Variants in ERBB4 observed in about 807,000 individuals in gnomAD.
ERBB4 encodes receptor tyrosine-protein kinase erbB-4.
Under a neutral mutation model 158.0 loss-of-function variants are expected in ERBB4, and 42 were observed. That is an observed-to-expected ratio of 0.27 (90% CI 0.21 to 0.34). ERBB4 has a LOEUF of 0.34. Among genes scored for constraint, ERBB4 ranks in the 10% least tolerant of loss-of-function variants. ERBB4 has a pLI of 1.00. For missense variants in ERBB4, 1,333 were observed against 1,624.1 expected (o/e 0.82, Z 3.08); for synonymous variants, 583 against 558.7 (o/e 1.04, Z -0.61).
intron 3 of ERBB4, among the ~76,000 whole-genome samples, chr2:211,795,194 C>A (rs1340595442): frequency 1.3e-5 from 2 of 151,658 alleles, no homozygotes; most frequent in African/African-American, 4.8e-5. Context: ...GGAGAGAAAT[C>A]CTGCTCTATC....
chr2:212,325,154 C>T lies in ERBB4; in HGVS notation c.83-200251G>A, dbSNP rs190719840. ...TAGAAATTTTATTTATTTTTTGAAG[C>T]ATGCATGTTTATCATTCTTAATATA... On this transcript the variant is annotated intron_variant, in intron 1 of 27. Transcript: ENST00000342788. Among the ~76,000 whole-genome samples the T allele has an allele frequency of 1.6e-3, 238 of 150,770 alleles. 12 individuals carry two copies. Among genetic ancestry groups the T allele is most frequent in the Non-Finnish European group, 2.1e-3 (140 of 67,198 alleles).
chr2:211,886,639 G>A (rs1490977393), intron 3 of ERBB4, among the ~76,000 whole-genome samples: 1 of 152,144 alleles, frequency 6.6e-6, no homozygotes, highest in African/African-American at 2.4e-5. Context: ...GTTTCACATG[G>A]CATCTTGGGG....
At chr2:211,982,477 G>A (rs2125233851) in intron 2 of ERBB4, among the ~76,000 whole-genome samples, 1 of 152,306 alleles carries the variant, frequency 6.6e-6, no homozygotes, top group East Asian at 1.9e-4. Context: ...AAATGTTTGG[G>A]AGTCAAATTC....
chr2:212,274,767 A>G (rs1023454951), intron 1 of ERBB4, among the ~76,000 whole-genome samples: 2 of 151,656 alleles, frequency 1.3e-5, no homozygotes, highest in African/African-American at 4.8e-5. Flanking sequence ...GACATACTTA[A>G]CTTTTTCTTA....
chr2:212,486,224 T>G (rs1238305695), intron 1 of ERBB4, among the ~76,000 whole-genome samples: 2 of 151,972 alleles, frequency 1.3e-5, no homozygotes, highest in Non-Finnish European at 2.9e-5. Flanking sequence ...TTAAAGTAAC[T>G]GGGGGTGTAT....
intron 1 of ERBB4, among the ~76,000 whole-genome samples, chr2:212,135,331 T>C (rs1372442166): frequency 6.6e-6 from 1 of 152,204 alleles, no homozygotes; most frequent in East Asian, 1.9e-4. Flanking sequence ...ATATGGTTTT[T>C]GAGTAGTCTA....
At chr2:211,793,149 C>A (rs1357687926) in intron 3 of ERBB4, among the ~76,000 whole-genome samples, 2 of 151,826 alleles carry the variant, frequency 1.3e-5, no homozygotes, top group Non-Finnish European at 2.9e-5. Flanking sequence ...GATTGAATAT[C>A]TTTCTCTTTT....
chr2:212,463,450 A>C (rs1688674431), intron 1 of ERBB4, among the ~76,000 whole-genome samples: 1 of 152,054 alleles, frequency 6.6e-6, no homozygotes, highest in East Asian at 1.9e-4. Flanking sequence ...TCTATCTACC[A>C]TCTCTATATC....
In ERBB4 at chr2:211,907,234, G is replaced by T. The variant is rs562074964; in HGVS notation, c.421+40196C>A. On this transcript the variant is annotated intron_variant, in intron 3 of 27. Coordinates refer to ENST00000342788, the MANE Select transcript of ERBB4 (RefSeq NM_005235.3). ...GAATACTAAATGAGTCTGTGTTTAA[G>T]GGAGAGTTAAAGAATAGAGAAAGGC... is the stretch of plus-strand genomic sequence containing the variant. 3.4e-3 allele frequency among the ~76,000 whole-genome samples: 510 copies of T among 151,792 alleles called. 13 individuals are homozygous for T. The highest frequency in any genetic ancestry group is 0.012 in the South Asian group (56 of 4,810).
At chr2:211,690,299 C>T (rs534245158) in intron 12 of ERBB4, among the ~76,000 whole-genome samples, 1 of 152,102 alleles carries the variant, frequency 6.6e-6, no homozygotes, top group African/African-American at 2.4e-5. Flanking sequence ...CTATCTTCTC[C>T]CTCTTGTCCC....
intron 3 of ERBB4, among the ~76,000 whole-genome samples, chr2:211,832,023 C>T (rs537730815): frequency 3.3e-5 from 5 of 152,248 alleles, no homozygotes; most frequent in Admixed American, 6.5e-5. Flanking sequence ...TGGCGTCAAG[C>T]CAAGGTGACA....
chr2:211,739,764 C>T (rs1287974073), intron 5 of ERBB4, among the ~76,000 whole-genome samples: 1 of 152,228 alleles, frequency 6.6e-6, no homozygotes, highest in Non-Finnish European at 1.5e-5. Flanking sequence ...CCACTGCGCC[C>T]AGCCTCATCT....
At chr2:211,478,353 T>A (rs1021434252) in intron 20 of ERBB4, among the ~76,000 whole-genome samples, 1 of 152,268 alleles carries the variant, frequency 6.6e-6, no homozygotes. Context: ...TAGTTTAATG[T>A]CTCTATATTC....
At chr2:211,935,120 C>T (rs894374454) in intron 3 of ERBB4, among the ~76,000 whole-genome samples, 2 of 152,038 alleles carry the variant, frequency 1.3e-5, no homozygotes, top group African/African-American at 4.8e-5. Flanking sequence ...CAAATCTGAA[C>T]TCTATAAATT....
At chr2:212,248,455 T>C (rs2084394317) in intron 1 of ERBB4, among the ~76,000 whole-genome samples, 1 of 152,190 alleles carries the variant, frequency 6.6e-6, no homozygotes, top group South Asian at 2.1e-4. Context: ...AGTTCTATAC[T>C]GTCAATGATA....
chr2:211,607,582 G>A (rs2069029582), intron 19 of ERBB4, among the ~76,000 whole-genome samples: 3 of 152,048 alleles, frequency 2.0e-5, no homozygotes, highest in Admixed American at 2.0e-4. Flanking sequence ...CGTCTGTGAC[G>A]AACTGGTCTC....
chr2:211,521,982 CA>C lies in ERBB4; in HGVS notation c.2487+39920del, dbSNP rs531985837. 3.1e-3 allele frequency among the ~76,000 whole-genome samples: 466 copies of C among 152,166 alleles called. 1 individual carries two copies. The highest frequency in any genetic ancestry group is 0.011 in the African/African-American group (447 of 41,542). On this transcript the variant is annotated intron_variant, in intron 20 of 27. Coordinates refer to ENST00000342788, the MANE Select transcript of ERBB4 (RefSeq NM_005235.3). ...ACATCTAGTCATCCAAGAGCTGTGA[CA>C]AAAATGTACAAGAAGAACATTGTTT...
intron 1 of ERBB4, among the ~76,000 whole-genome samples, chr2:212,448,943 T>G (rs1333844609): frequency 6.6e-6 from 1 of 152,148 alleles, no homozygotes; most frequent in East Asian, 1.9e-4. Context: ...GCTTTTCCTC[T>G]TTTATGTTTA....
rs775308792 is a variant in ERBB4, at chr2:212,041,590, TA to T, written c.234+83161del. On this transcript the variant is annotated intron_variant, in intron 2 of 27. Coordinates refer to ENST00000342788, the MANE Select transcript of ERBB4 (RefSeq NM_005235.3). ...TAGTAGCAATATGGATCATATTACA[TA>T]AAAAAAAAAAACCAGTAGCATCTCA... Among the ~76,000 whole-genome samples the T allele has an allele frequency of 9.8e-3, 1,370 of 139,588 alleles. 12 individuals carry two copies. Among genetic ancestry groups the T allele is most frequent in the African/African-American group, 0.03 (1,141 of 38,554 alleles). 91.6% of individuals were successfully genotyped at this position (139,588 alleles called of 152,430 possible). A position where few individuals can be genotyped will look rare whatever the true frequency, so the allele number is the denominator to read the frequency against.
Sources: gnomAD v4.1 joint callset for allele counts (sites outside exome capture counted in the v4.1 genomes callset) on GRCh38, gnomAD v4.1.1 for gene constraint, MANE v1.5 for transcripts, NCBI Gene and HGNC (gene_info 2026-07-23, HGNC 2026-07-21) for gene names.